The following SI variants were observed in gnomAD, a reference collection of about 807,000 sequenced individuals.
SI encodes sucrase-isomaltase, intestinal.
Under a neutral mutation model 253.3 loss-of-function variants are expected in SI, and 235 were observed. The observed-to-expected ratio is 0.93, with a 90% CI of 0.83 to 1.03. The LOEUF (loss-of-function observed/expected upper bound fraction) is 1.03, where lower values mean the gene tolerates loss of function less well. Among genes scored for constraint, SI ranks in the 50% least tolerant of loss-of-function variants. The pLI, the probability that SI is intolerant of heterozygous loss-of-function variation, is 0.00. For synonymous variants in SI, 819 were observed against 712.0 expected, an observed-to-expected ratio of 1.15 and a Z score of -2.39; for missense variants, 2,442 against 2,211.1, an observed-to-expected ratio of 1.10 and a Z score of -2.09.
intron 12 of SI, among the ~76,000 whole-genome samples, chr3:165,056,747 A>G (rs1713711407): frequency 6.6e-6 from 1 of 152,144 alleles, no homozygotes. Flanking sequence ...TGAGTCTGCA[A>G]GAGCCATGGC....
At chr3:165,048,582 TATAGAGAGAGAG>T (rs1340822876) in intron 15 of SI, among the ~76,000 whole-genome samples, 1 of 111,716 alleles carries the variant, frequency 9.0e-6, no homozygotes, top group Non-Finnish European at 2.0e-5. Context: ...TATATATATA[TATAGAGAGAGAG>T]AGAGAGAGAG....
At chr3:165,009,707 CA>C (rs1177328968) in intron 34 of SI, among the ~76,000 whole-genome samples, 1 of 152,088 alleles carries the variant, frequency 6.6e-6, no homozygotes, top group Non-Finnish European at 1.5e-5. Flanking sequence ...TCTGTTACTG[CA>C]GAGCCCATAC....
intron 18 of SI, 23 bp downstream of exon 18, chr3:165,040,917 T>A: frequency 6.4e-7 from 1 of 1,568,714 alleles, no homozygotes; most frequent in Non-Finnish European, 8.8e-7. Flanking sequence ...GGTATTATTA[T>A]AATTATTGTA....
rs750791275 is a variant in SI at position 165,055,231 on chromosome 3, A to G, written c.1475T>C (p.Ile492Thr). ...CIDWWANECS[I>T]FHQEVQYDGL... is the part of the protein sequence containing the mutation. ...ATCATATTGCACTTCTTGATGGAAAATACTGCATTCATTTGCCCACCAATC... is the reference window on the plus strand; with the variant it reads ...ATCATATTGCACTTCTTGATGGAAAGTACTGCATTCATTTGCCCACCAATC... Residue 492 changes from isoleucine (I) to threonine (T), a missense_variant, in exon 13 of 48, where the codon ATT becomes ACT. Transcript: ENST00000264382. 1 of 1,611,636 alleles carries G rather than the reference A, an allele frequency of 6.2e-7. No homozygotes were observed. Among genetic ancestry groups the G allele is most frequent in the Non-Finnish European group, 8.5e-7 (1 of 1,178,278 alleles).
intron 17 of SI, 40 bp downstream of exon 17, chr3:165,043,019 T>G: frequency 8.6e-7 from 1 of 1,168,066 alleles, no homozygotes; most frequent in Non-Finnish European, 1.3e-6. Flanking sequence ...AAACTATGGT[T>G]GTTTTTTATT....
At chr3:165,048,180 A>G (rs1391526137) in intron 15 of SI, among the ~76,000 whole-genome samples, 1 of 152,042 alleles carries the variant, frequency 6.6e-6, no homozygotes, top group East Asian at 1.9e-4. Context: ...CTCAATCACA[A>G]CTGTTTAATT....
chr3:165,067,756 A>T (rs1003290359), intron 5 of SI, among the ~76,000 whole-genome samples: 1 of 152,028 alleles, frequency 6.6e-6, no homozygotes, highest in Non-Finnish European at 1.5e-5. Flanking sequence ...ACTGATATAA[A>T]AATGACAGTA....
intron 16 of SI, among the ~76,000 whole-genome samples, chr3:165,045,294 C>G (rs966948062): frequency 5.3e-5 from 8 of 151,932 alleles, no homozygotes; most frequent in Non-Finnish European, 8.8e-5. Context: ...ATATATTGAG[C>G]CTTCTTATTA....
At chr3:164,980,516 C>CT (rs1717131464) in intron 47 of SI, among the ~76,000 whole-genome samples, 1 of 151,944 alleles carries the variant, frequency 6.6e-6, no homozygotes, top group Non-Finnish European at 1.5e-5. Context: ...TCCTCTCTTC[C>CT]TTTCCTATGT....
Position 165,032,619 on chromosome 3 carries a change from A to G in SI, c.2639T>C (p.Ile880Thr). Residue 880 changes from isoleucine to threonine, a missense_variant, in exon 24 of 48, where the codon ATC becomes ACC. By Grantham distance (89) the Ile-to-Thr change is moderately conservative. Coordinates refer to ENST00000264382, the MANE Select transcript of SI (RefSeq NM_001041.4). ...GTTLAFQTVK[I>T]LGLTDSVTEV... ...TGTAACACTGTCTGTCAACCCAAGG[A>G]TTTTTACAGTCTGAAATGCTAAGGT... 6.2e-7 allele frequency: 1 copy of G among 1,608,836 alleles called. No homozygotes were observed. Among genetic ancestry groups the G allele is most frequent in the Non-Finnish European group, 8.5e-7 (1 of 1,176,380 alleles).
intron 16 of SI, among the ~76,000 whole-genome samples, chr3:165,043,950 A>G (rs960764673): frequency 1.3e-5 from 2 of 152,008 alleles, no homozygotes; most frequent in African/African-American, 4.8e-5. Context: ...TAGGCTGAGC[A>G]TCCCTAATCC....
chr3:165,042,180 A>G (rs1233863678), intron 17 of SI, among the ~76,000 whole-genome samples: 2 of 152,114 alleles, frequency 1.3e-5, no homozygotes, highest in Non-Finnish European at 2.9e-5. Flanking sequence ...GCAGAGTGTC[A>G]TGTAATTTCT....
At chr3:165,068,680 T>C in intron 5 of SI, 42 bp downstream of exon 5, 1 of 1,430,258 alleles carries the variant, frequency 7.0e-7, no homozygotes, top group Non-Finnish European at 9.9e-7. Flanking sequence ...GCCCATCAAA[T>C]GTCTTTTAGT....
At chr3:165,077,266 C>T (rs1225276424) in intron 1 of SI, among the ~76,000 whole-genome samples, 1 of 151,564 alleles carries the variant, frequency 6.6e-6, no homozygotes, top group African/African-American at 2.4e-5. Flanking sequence ...CTAAATTTTG[C>T]TGAATTCAAA....
At position 165,076,063 on chromosome 3, in the gene SI, T is replaced by C. The variant is rs1039241239; in HGVS notation, c.1-51A>G. On this transcript the variant is annotated intron_variant, in intron 1 of 47. Transcript: ENST00000264382. ...TAAAATGTAAAATATATAACTATAA[T>C]AAACCACCAACAATTCTCATGAAAT... 3 of 1,232,536 alleles carry C rather than the reference T, an allele frequency of 2.4e-6. No homozygotes were observed. In the African/African-American group the frequency reaches 4.5e-5, roughly 19 times the overall value. The allele number at this position is 1,232,536 out of a possible 1,614,324, so 76.3% of individuals were successfully genotyped here. A position where few individuals can be genotyped will look rare whatever the true frequency, so the allele number is the denominator to read the frequency against.
At position 164,994,255 on chromosome 3, in the gene SI, A is replaced by C. The variant is rs762853812; in HGVS notation, c.4841+2T>G. On this transcript the variant is annotated splice_donor_variant, in intron 41 of 47. Coordinates refer to ENST00000264382, the MANE Select transcript of SI (RefSeq NM_001041.4). LOFTEE classifies it high-confidence loss of function. ...ATAAGAGAAAACAAACTTTGTACTT[A>C]CTCATGCAAAAGGGGTCGGATAACA... 5 of 1,610,116 alleles carry C rather than the reference A, an allele frequency of 3.1e-6. No individual in the cohort carries two copies. Among genetic ancestry groups the C allele is most frequent in the Non-Finnish European group, 4.2e-6 (5 of 1,177,314 alleles).
intron 21 of SI, among the ~76,000 whole-genome samples, chr3:165,037,038 C>T (rs2108212623): frequency 6.6e-6 from 1 of 151,616 alleles, no homozygotes; most frequent in Non-Finnish European, 1.5e-5. Context: ...TTCCAGTATG[C>T]ATTTACCAAA....
intron 37 of SI, among the ~76,000 whole-genome samples, chr3:165,001,687 A>G (rs114165430): frequency 6.6e-6 from 1 of 151,466 alleles, no homozygotes; most frequent in South Asian, 2.1e-4. Flanking sequence ...TGCATTTACT[A>G]TCCGGTCTTG....
At chr3:165,042,982 A>C in intron 17 of SI, 77 bp downstream of exon 17, 1 of 884,138 alleles carries the variant, frequency 1.1e-6, no homozygotes, top group Non-Finnish European at 1.9e-6. Flanking sequence ...CATATACTCT[A>C]TAGATTTAAT....
Sources: allele counts gnomAD v4.1 joint callset (sites outside exome capture counted in the v4.1 genomes callset), GRCh38; gene constraint gnomAD v4.1.1; transcripts MANE v1.5; gene names NCBI Gene and HGNC (gene_info 2026-07-23, HGNC 2026-07-21).